Variants in EVI5 observed in about 807,000 individuals in gnomAD.
EVI5 encodes ecotropic viral integration site 5 protein homolog.
Under a neutral mutation model 112.0 loss-of-function variants are expected in EVI5, and 73 were observed. That is an observed-to-expected ratio of 0.65 (90% CI 0.54 to 0.79). EVI5 has a LOEUF of 0.79. EVI5 is among the 30% of genes least tolerant of loss of function. The probability of loss-of-function intolerance (pLI) is 0.00; values close to 1 mark genes in which losing one functional copy is unlikely to be tolerated. For missense variants in EVI5, 900 were observed against 968.8 expected (o/e 0.93, Z 0.94); for synonymous variants, 305 against 319.9 (o/e 0.95, Z 0.50).
At chr1:92,664,752 T>A (rs1287720588) in intron 11 of EVI5, among the ~76,000 whole-genome samples, 1 of 152,238 alleles carries the variant, frequency 6.6e-6, no homozygotes, top group Non-Finnish European at 1.5e-5. Flanking sequence ...CTATTTAATA[T>A]GAAATCATCA....
chr1:92,634,622 G>C (rs564486961), intron 14 of EVI5, among the ~76,000 whole-genome samples: 1 of 152,116 alleles, frequency 6.6e-6, no homozygotes, highest in African/African-American at 2.4e-5. Context: ...CCATGGGTTC[G>C]AACTTCCTCC....
chr1:92,688,337 T>A (rs1209615231), intron 9 of EVI5, among the ~76,000 whole-genome samples: 5 of 151,782 alleles, frequency 3.3e-5, no homozygotes, highest in African/African-American at 1.2e-4. Flanking sequence ...GAACAAAACC[T>A]GTACGTTGTG....
intron 9 of EVI5, among the ~76,000 whole-genome samples, chr1:92,684,627 G>A (rs1668191929): frequency 6.6e-6 from 1 of 151,930 alleles, no homozygotes; most frequent in Admixed American, 6.6e-5. Context: ...AAAGAGTCAA[G>A]ACCCATCAGT....
Position 92,513,912 on chromosome 1 carries a change from T to C in EVI5, c.2225A>G (p.His742Arg). The change falls in exon 20 of 20, where the codon CAC becomes CGC. Residue 742 changes from histidine to arginine, a missense_variant. Coordinates refer to ENST00000684568, the MANE Select transcript of EVI5 (RefSeq NM_001350197.2). ...ATCTCCTATTAAATGGTTGACAATGTGGATTCCATCAAAAGGAGGTTGGCC... is the reference window on the plus strand; with the variant it reads ...ATCTCCTATTAAATGGTTGACAATGCGGATTCCATCAAAAGGAGGTTGGCC... Reference protein sequence around the residue: ...FSGQPPFDGIHIVNHLIGDDE... With the variant: ...FSGQPPFDGIRIVNHLIGDDE... The C allele has an allele frequency of 6.2e-7, 1 of 1,603,292 alleles. No individual in the cohort carries two copies. Among genetic ancestry groups the C allele is most frequent in the Non-Finnish European group, 8.5e-7 (1 of 1,172,872 alleles).
intron 14 of EVI5, among the ~76,000 whole-genome samples, chr1:92,632,917 T>G (rs960477326): frequency 6.6e-6 from 1 of 152,214 alleles, no homozygotes. Context: ...ATTTCTGCCT[T>G]CATTTTGTTA....
chr1:92,760,441 G>T (rs918057187), intron 1 of EVI5, among the ~76,000 whole-genome samples: 1 of 152,084 alleles, frequency 6.6e-6, no homozygotes, highest in African/African-American at 2.4e-5. Flanking sequence ...ACAAAAGTTG[G>T]CTAAAAGAAG....
intron 16 of EVI5, among the ~76,000 whole-genome samples, chr1:92,617,586 T>A (rs963537815): frequency 2.6e-5 from 4 of 152,146 alleles, no homozygotes; most frequent in Admixed American, 6.5e-5. Flanking sequence ...GTGGCAGGGA[T>A]GGAAGTTACA....
chr1:92,720,674 T>C (rs1398536877), intron 2 of EVI5, among the ~76,000 whole-genome samples: 3 of 151,892 alleles, frequency 2.0e-5, no homozygotes, highest in Admixed American at 6.6e-5. Flanking sequence ...AATTAACAAA[T>C]GGGATCTAAT....
At chr1:92,627,633 A>T (rs1277278495) in intron 14 of EVI5, among the ~76,000 whole-genome samples, 1 of 152,196 alleles carries the variant, frequency 6.6e-6, no homozygotes, top group Admixed American at 6.5e-5. Flanking sequence ...ACTAGTTTAC[A>T]TTCCCACTAG....
At chr1:92,718,197 T>C (rs896456314) in intron 2 of EVI5, among the ~76,000 whole-genome samples, 3 of 152,194 alleles carry the variant, frequency 2.0e-5, no homozygotes, top group Non-Finnish European at 2.9e-5. Context: ...GCAGACCTAA[T>C]AGACATCTAC....
At position 92,750,909 on chromosome 1, in the gene EVI5, G is replaced by T. The variant is rs963197400; in HGVS notation, c.-81-14282C>A. Among the ~76,000 whole-genome samples the T allele has an allele frequency of 2.6e-5, 4 of 152,116 alleles. No homozygotes were observed. In the South Asian group the frequency reaches 6.2e-4, roughly 24 times the overall value. ...CTCACGCCTGTAATCCCAGCACTTT[G>T]GGAGGCCGAGGCGGGCGGATCATGA... On this transcript the variant is annotated intron_variant, in intron 1 of 19. Transcript: ENST00000684568.
intron 1 of EVI5, among the ~76,000 whole-genome samples, chr1:92,773,370 A>G (rs1436280470): frequency 6.6e-6 from 1 of 152,256 alleles, no homozygotes; most frequent in Non-Finnish European, 1.5e-5. Context: ...GACCAAAAGA[A>G]GCAGACACAA....
chr1:92,520,052 A>AG (rs1479403738), intron 19 of EVI5, among the ~76,000 whole-genome samples: 3 of 152,076 alleles, frequency 2.0e-5, no homozygotes, highest in African/African-American at 7.2e-5. Context: ...GAGAAAAGAA[A>AG]GGGGGTGATC....
chr1:92,727,182 A>G (rs1675696757), intron 2 of EVI5, among the ~76,000 whole-genome samples: 2 of 152,184 alleles, frequency 1.3e-5, no homozygotes, highest in South Asian at 2.1e-4. Flanking sequence ...AAAATATATT[A>G]GTGGTTACCA....
At chr1:92,746,880 G>A (rs905529021) in intron 1 of EVI5, among the ~76,000 whole-genome samples, 2 of 136,764 alleles carry the variant, frequency 1.5e-5, no homozygotes, top group Admixed American at 7.9e-5. Context: ...GGGCAACAGA[G>A]CAAGACTCTG....
At chr1:92,585,103 A>C (rs1672562536) in intron 18 of EVI5, among the ~76,000 whole-genome samples, 1 of 152,068 alleles carries the variant, frequency 6.6e-6, no homozygotes, top group South Asian at 2.1e-4. Flanking sequence ...AGTCACCTGT[A>C]ATCCCAGCTA....
chr1:92,760,566 T>C (rs1245270197), intron 1 of EVI5, among the ~76,000 whole-genome samples: 1 of 151,226 alleles, frequency 6.6e-6, no homozygotes, highest in East Asian at 2.0e-4. Flanking sequence ...ACTCTGTCTC[T>C]ACTAAAAATA....
At chr1:92,663,989 C>T (rs546411062) in intron 11 of EVI5, among the ~76,000 whole-genome samples, 1 of 152,328 alleles carries the variant, frequency 6.6e-6, no homozygotes, top group East Asian at 1.9e-4. Flanking sequence ...CTTACGCAAT[C>T]CTCTTGTCTC....
Position 92,588,250 on chromosome 1 carries a change from AC to A in EVI5, c.2070+17056del, listed in dbSNP as rs771583672. 2.6e-4 allele frequency among the ~76,000 whole-genome samples: 39 copies of A among 152,122 alleles called. No individual in the cohort carries two copies. In the Middle Eastern group the frequency reaches 0.01, roughly 40 times the overall value. On this transcript the variant is annotated intron_variant, in intron 18 of 19. Coordinates refer to ENST00000684568, the MANE Select transcript of EVI5 (RefSeq NM_001350197.2). ...CTAACTGATCACTCCCATGCTCAAAACCCTCCAATGATTTTCCATCTGAGTC... is the reference window on the plus strand; with the variant it reads ...CTAACTGATCACTCCCATGCTCAAAACCTCCAATGATTTTCCATCTGAGTC...
Sources: gnomAD v4.1 joint callset for allele counts (sites outside exome capture counted in the v4.1 genomes callset) on GRCh38, gnomAD v4.1.1 for gene constraint, MANE v1.5 for transcripts, NCBI Gene and HGNC (gene_info 2026-07-23, HGNC 2026-07-21) for gene names.